The following ZNF525 variants were observed in gnomAD, a reference collection of about 807,000 sequenced individuals.
The protein encoded by ZNF525 is zinc finger protein 525.
Under a neutral mutation model 37.6 loss-of-function variants are expected in ZNF525, and 33 were observed. The observed-to-expected ratio is 0.88, with a 90% CI of 0.67 to 1.17. The LOEUF (loss-of-function observed/expected upper bound fraction) is 1.17, where lower values mean the gene tolerates loss of function less well. Ranked by LOEUF, ZNF525 falls within the 50% of genes most tolerant of loss-of-function variation. The pLI, the probability that ZNF525 is intolerant of heterozygous loss-of-function variation, is 0.00. For missense variants in ZNF525, 449 were observed against 543.1 expected, an observed-to-expected ratio of 0.83 and a Z score of 1.72; for synonymous variants, 170 against 182.3, an observed-to-expected ratio of 0.93 and a Z score of 0.54.
chr19:53,373,115 A>G (rs1179534260), intron 2 of ZNF525, among the ~76,000 whole-genome samples: 3 of 152,040 alleles, frequency 2.0e-5, no homozygotes, highest in East Asian at 3.9e-4. Flanking sequence ...TTTAAATATA[A>G]GAAGTCTTTC....
chr19:53,368,996 A>C (rs2085467004), intron 1 of ZNF525, among the ~76,000 whole-genome samples: 1 of 152,096 alleles, frequency 6.6e-6, no homozygotes. Context: ...ATCTGTAGTC[A>C]TTTCTATAGT....
rs762396967 is a variant in ZNF525, at chr19:53,381,340, G to A, written c.761G>A (p.Arg254Gln). The change falls in exon 4 of 4, where the codon CGG (arginine) becomes CAG (glutamine). Residue 254 changes from arginine (R) to glutamine (Q), a missense_variant. By Grantham distance (43) the Arg-to-Gln change is conservative. This residue lies in a region of ZNF525 where 271 missense variants were observed against 381.6 expected (regional missense o/e 0.71). Transcript: ENST00000474037. Reference protein sequence around the residue: ...KCDVCDKVFIRKRYLARHRRC... With the variant: ...KCDVCDKVFIQKRYLARHRRC... ...GATGTATGTGACAAGGTCTTTATTC[G>A]GAAGCGATACCTTGCACGCCATCGT... 76 of 1,580,276 alleles carry A rather than the reference G, an allele frequency of 4.8e-5. No homozygotes were observed. The highest frequency in any genetic ancestry group is 1.7e-4 in the Middle Eastern group (1 of 6,026).
Position 53,381,081 on chromosome 19 carries a change from A to T in ZNF525, c.502A>T (p.Ile168Phe). Residue 168 changes from isoleucine (I) to phenylalanine (F), a missense_variant, in exon 4 of 4, where the codon ATC (isoleucine) becomes TTC (phenylalanine). Physicochemically the swap from Ile to Phe is conservative, Grantham distance 21 (BLOSUM62 0). Transcript: ENST00000474037. ...GKINNQVEKSINDASSVSTAQ... is the reference protein window; with the variant it reads ...GKINNQVEKSFNDASSVSTAQ... ...AATTAATAATCAAGTGGAGAAGTCT[A>T]TCAACGATGCTTCCTCGGTTTCAAC... The T allele has an allele frequency of 6.7e-7, 1 of 1,489,790 alleles. No individual in the cohort carries two copies. Among genetic ancestry groups the T allele is most frequent in the Non-Finnish European group, 9.4e-7 (1 of 1,066,868 alleles). The allele number at this position is 1,489,790 out of a possible 1,614,324, so 92.3% of individuals were successfully genotyped here.
chr19:53,374,907 ACTGTGTTG>A (rs1034315132), intron 2 of ZNF525, among the ~76,000 whole-genome samples: 1 of 152,012 alleles, frequency 6.6e-6, no homozygotes, highest in African/African-American at 2.4e-5. Context: ...ACTGGGTCTC[ACTGTGTTG>A]CCCAGGCTGG....
Position 53,384,135 on chromosome 19 carries a change from G to C in ZNF525, c.*2116G>C, listed in dbSNP as rs765885433. On this transcript the variant is annotated 3_prime_UTR_variant, in exon 4 of 4. Transcript: ENST00000474037. ...TAGAGTCAGTTCAGCATTGACTTGAGTTTGAGTTGACTTAACATTGAGTTC... is the reference window on the plus strand; with the variant it reads ...TAGAGTCAGTTCAGCATTGACTTGACTTTGAGTTGACTTAACATTGAGTTC... 1.5e-4 allele frequency: 61 copies of C among 412,050 alleles called. No individual in the cohort carries two copies. Among genetic ancestry groups the C allele is most frequent in the Non-Finnish European group, 2.8e-4 (57 of 206,770 alleles). 25.5% of individuals were successfully genotyped at this position (412,050 alleles called of 1,614,324 possible).
At chr19:53,366,606 A>T (rs143285125) in intron 1 of ZNF525, among the ~76,000 whole-genome samples, 1,616 of 150,898 alleles carry the variant, frequency 0.011, 23 homozygotes, top group African/African-American at 0.037. Context: ...GAAAAGCTAG[A>T]TGTACAGAGA....
intron 1 of ZNF525, among the ~76,000 whole-genome samples, chr19:53,370,786 C>G (rs1385090380): frequency 4.0e-5 from 6 of 151,564 alleles, no homozygotes; most frequent in Non-Finnish European, 5.9e-5. Flanking sequence ...ACATCACAGC[C>G]AAATCTAAAG....
chr19:53,382,500 G>T lies in ZNF525; in HGVS notation c.*481G>T. The stretch of plus-strand genomic sequence containing the variant: ...TAAATCTTATAAGTGTAATGAGTGT[G>T]GCAAGACCTTCAGTAAGGAGTTAAC... On this transcript the variant is annotated 3_prime_UTR_variant, in exon 4 of 4. Coordinates refer to ENST00000474037, the MANE Select transcript of ZNF525 (RefSeq NM_001348156.2). 2 of 693,850 alleles carry T rather than the reference G, an allele frequency of 2.9e-6. No homozygotes were observed. Among genetic ancestry groups the T allele is most frequent in the Non-Finnish European group, 5.3e-6 (2 of 374,110 alleles). 43.0% of individuals were successfully genotyped at this position (693,850 alleles called of 1,614,324 possible).
rs867440082 is a variant in ZNF525, at chr19:53,385,206, C to A, written c.*3187C>A. On this transcript the variant is annotated 3_prime_UTR_variant, in exon 4 of 4. Coordinates refer to ENST00000474037, the MANE Select transcript of ZNF525 (RefSeq NM_001348156.2). Reference sequence around the variant, plus strand: ...ATCTTCAAGAAGTTCTGGAAAAATACATATTATGAGAAAATTGTGCATGAA... The same window carrying A: ...ATCTTCAAGAAGTTCTGGAAAAATAAATATTATGAGAAAATTGTGCATGAA... 2 of 486,928 alleles carry A rather than the reference C, an allele frequency of 4.1e-6. No individual in the cohort carries two copies. Among genetic ancestry groups the A allele is most frequent in the Non-Finnish European group, 7.2e-6 (2 of 277,002 alleles). The allele number at this position is 486,928 out of a possible 1,614,324, so 30.2% of individuals were successfully genotyped here. A position where few individuals can be genotyped will look rare whatever the true frequency, so the allele number is the denominator to read the frequency against.
In ZNF525 at chr19:53,381,435, C is replaced by T. The variant is rs1321902419; in HGVS notation, c.856C>T (p.Leu286Phe). ...CGKSFSQMSSLTYHHRLHTGE... is the reference protein window; with the variant it reads ...CGKSFSQMSSFTYHHRLHTGE... ...CAAGTCCTTCAGTCAGATGTCATCC[C>T]TTACATATCATCATCGACTTCATAC... Residue 286 changes from leucine to phenylalanine, a missense_variant, in exon 4 of 4, where the codon CTT becomes TTT. By Grantham distance (22) the Leu-to-Phe change is conservative. Around this residue, in one of 2 missense-constraint regions of ZNF525, gnomAD observed 271 missense variants for 381.6 expected, o/e 0.71. Coordinates refer to ENST00000474037, the MANE Select transcript of ZNF525 (RefSeq NM_001348156.2). The T allele has an allele frequency of 1.3e-6, 2 of 1,529,058 alleles. No homozygotes were observed. The highest frequency in any genetic ancestry group is 1.7e-5 in the Admixed American group (1 of 59,920). 94.7% of individuals were successfully genotyped at this position (1,529,058 alleles called of 1,614,324 possible).
At chr19:53,368,737 T>C (rs2085465135) in intron 1 of ZNF525, among the ~76,000 whole-genome samples, 1 of 152,190 alleles carries the variant, frequency 6.6e-6, no homozygotes, top group Non-Finnish European at 1.5e-5. Context: ...GTTCCTTTTT[T>C]GATAACATAT....
At chr19:53,371,813 A>T (rs1039786075) in intron 1 of ZNF525, among the ~76,000 whole-genome samples, 9 of 151,938 alleles carry the variant, frequency 5.9e-5, no homozygotes, top group African/African-American at 1.9e-4. Flanking sequence ...ATGCCTGGCT[A>T]AGTTTTTATA....
At position 53,383,358 on chromosome 19, in the gene ZNF525, G is replaced by T. The variant is rs1421372661; in HGVS notation, c.*1339G>T. ...CGAGGTTTTCAATCAACAAGCACAC[G>T]TTGCACGTCATCATAGAATTCATAC... On this transcript the variant is annotated 3_prime_UTR_variant, in exon 4 of 4. Transcript: ENST00000474037. 1.7e-6 allele frequency: 2 copies of T among 1,195,748 alleles called. No individual in the cohort carries two copies. The highest frequency in any genetic ancestry group is 1.9e-5 in the Admixed American group (1 of 53,738). 74.1% of individuals were successfully genotyped at this position (1,195,748 alleles called of 1,614,324 possible).
chr19:53,383,395 C>G lies in ZNF525; in HGVS notation c.*1376C>G. The G allele has an allele frequency of 8.9e-7, 1 of 1,129,776 alleles. No individual in the cohort carries two copies. Among genetic ancestry groups the G allele is most frequent in the Non-Finnish European group, 1.3e-6 (1 of 780,166 alleles). 70.0% of individuals were successfully genotyped at this position (1,129,776 alleles called of 1,614,324 possible). A position where few individuals can be genotyped will look rare whatever the true frequency, so the allele number is the denominator to read the frequency against. ...CATAGAATTCATACTGGAGAGAAAC[C>G]TTAGAAATGTGAAGAATGTGACAAA... On this transcript the variant is annotated 3_prime_UTR_variant, in exon 4 of 4. Transcript: ENST00000474037.
At position 53,386,555 on chromosome 19, in the gene ZNF525, A is replaced by G. The variant is rs1401519568; in HGVS notation, c.*4536A>G. 6.4e-6 allele frequency: 3 copies of G among 469,418 alleles called. No homozygotes were observed. The Admixed American group carries it at 1.0e-4, about 16-fold the overall frequency. The allele number at this position is 469,418 out of a possible 1,614,324, so 29.1% of individuals were successfully genotyped here. A position where few individuals can be genotyped will look rare whatever the true frequency, so the allele number is the denominator to read the frequency against. ...ATAAACGCATTGGTTGGCTGTGTTC[A>G]GTAATAAACGTGAGACTTTTCATTT... is the stretch of plus-strand genomic sequence containing the variant. On this transcript the variant is annotated 3_prime_UTR_variant, in exon 4 of 4. Transcript: ENST00000474037.
At chr19:53,371,758 A>G (rs1289623491) in intron 1 of ZNF525, among the ~76,000 whole-genome samples, 4 of 151,670 alleles carry the variant, frequency 2.6e-5, no homozygotes, top group African/African-American at 4.8e-5. Flanking sequence ...TCCCACCTCA[A>G]CCTCCTAAGT....
chr19:53,383,513 C>T lies in ZNF525; in HGVS notation c.*1494C>T, dbSNP rs1040401430. The T allele has an allele frequency of 1.6e-5, 19 of 1,201,204 alleles. No individual in the cohort carries two copies. Among genetic ancestry groups the T allele is most frequent in the African/African-American group, 6.1e-5 (4 of 65,538 alleles). 74.4% of individuals were successfully genotyped at this position (1,201,204 alleles called of 1,614,324 possible). ...AAGAGTTTTTGACAAGGCTTTCGGA[C>T]GTGATTCACACCTGGCACAACATCC... On this transcript the variant is annotated 3_prime_UTR_variant, in exon 4 of 4. Transcript: ENST00000474037.
chr19:53,382,438 C>T lies in ZNF525; in HGVS notation c.*419C>T. On this transcript the variant is annotated 3_prime_UTR_variant, in exon 4 of 4. Coordinates refer to ENST00000474037, the MANE Select transcript of ZNF525 (RefSeq NM_001348156.2). The stretch of plus-strand genomic sequence containing the variant: ...TGTGGCAAGACCTTCAGTCAGAAGT[C>T]ATGCCTTACACGCCATCATAGACTT... 1 of 817,848 alleles carries T rather than the reference C, an allele frequency of 1.2e-6. No homozygotes were observed. The highest frequency in any genetic ancestry group is 2.1e-6 in the Non-Finnish European group (1 of 468,950). 50.7% of individuals were successfully genotyped at this position (817,848 alleles called of 1,614,324 possible). A position where few individuals can be genotyped will look rare whatever the true frequency, so the allele number is the denominator to read the frequency against.
At chr19:53,376,940 G>A (rs1456395575) in intron 3 of ZNF525, among the ~76,000 whole-genome samples, 11 of 152,162 alleles carry the variant, frequency 7.2e-5, no homozygotes, top group Admixed American at 3.3e-4. Context: ...ATGCACTCCC[G>A]CCTGGGCAAC....
Sources: gnomAD v4.1 joint callset for allele counts (sites outside exome capture counted in the v4.1 genomes callset) on GRCh38, gnomAD v4.1.1 for gene constraint, gnomAD v4.1.1 regional missense constraint, MANE v1.5 for transcripts, NCBI Gene and HGNC (gene_info 2026-07-23, HGNC 2026-07-21) for gene names.